The following CLOCK variants were observed in gnomAD, a reference collection of about 807,000 sequenced individuals.
CLOCK encodes the protein circadian locomoter output cycles protein kaput.
In CLOCK, 43 loss-of-function variants were observed where a neutral mutation model predicts 118.4. The ratio of observed to expected loss-of-function variants is 0.36; its 90% CI spans 0.28 to 0.47. CLOCK has a LOEUF of 0.47. Ranked by LOEUF, CLOCK falls within the 20% of genes least tolerant of loss-of-function variation. The pLI is 1.00. For missense variants in CLOCK, 846 were observed against 999.9 expected (o/e 0.85, Z 2.08); for synonymous variants, 326 against 339.2 (o/e 0.96, Z 0.43).
At chr4:55,455,763 TAA>T in intron 13 of CLOCK, 132 bp downstream of exon 13, 1 of 712,944 alleles carries the variant, frequency 1.4e-6, no homozygotes, top group Non-Finnish European at 2.5e-6. Flanking sequence ...GTTATATACA[TAA>T]AGCAAAATCT....
Position 55,458,496 on chromosome 4 carries a change from A to AGGTATTT in CLOCK, c.792+395_792+396insAAATACC, listed in dbSNP as rs2109798692. ...AAATAAAAATAAAATACCTAATTTT[A>AGGTATTT]CATTTGAAAAGGTAAGTTATATGTG... is the stretch of plus-strand genomic sequence containing the variant. On this transcript the variant is annotated intron_variant, in intron 11 of 22. Coordinates refer to ENST00000513440, the MANE Select transcript of CLOCK (RefSeq NM_004898.4). Among the ~76,000 whole-genome samples the AGGTATTT allele has an allele frequency of 2.0e-5, 3 of 152,328 alleles. No homozygotes were observed. In the South Asian group the frequency reaches 6.2e-4, roughly 32 times the overall value.
chr4:55,526,799 T>C (rs1433825248), intron 1 of CLOCK, among the ~76,000 whole-genome samples: 1 of 151,526 alleles, frequency 6.6e-6, no homozygotes, highest in African/African-American at 2.4e-5. Flanking sequence ...ATACAAAAAT[T>C]AGCCGGGCAA....
chr4:55,477,055 A>G (rs1278971559), intron 6 of CLOCK, among the ~76,000 whole-genome samples: 5 of 152,128 alleles, frequency 3.3e-5, no homozygotes, highest in African/African-American at 1.2e-4. Context: ...TGTTTTTCAA[A>G]TTCACATCAA....
At chr4:55,474,648 T>C (rs1044838746) in intron 7 of CLOCK, among the ~76,000 whole-genome samples, 2 of 152,232 alleles carry the variant, frequency 1.3e-5, no homozygotes, top group South Asian at 4.2e-4. Context: ...GCTGGTGACT[T>C]TTAAGTTGAA....
chr4:55,450,336 C>G, intron 15 of CLOCK, 104 bp from the exon 16 acceptor site: 2 of 1,383,200 alleles, frequency 1.4e-6, no homozygotes, highest in Non-Finnish European at 2.0e-6. Flanking sequence ...TTGTCTATAA[C>G]AAGGCAAAAG....
chr4:55,479,715 T>G lies in CLOCK; in HGVS notation c.48-16A>C, dbSNP rs1560446554. The G allele has an allele frequency of 6.2e-7, 1 of 1,608,902 alleles. No homozygotes were observed. The highest frequency in any genetic ancestry group is 2.2e-5 in the East Asian group (1 of 44,648). Reference sequence around the variant, plus strand: ...ACTGTCATCTCTAAAAGAAAGCGGATAGAGAAAGTAAGAGCAGACTCACTA... The same window carrying G: ...ACTGTCATCTCTAAAAGAAAGCGGAGAGAGAAAGTAAGAGCAGACTCACTA... On this transcript the variant is annotated splice_polypyrimidine_tract_variant and intron_variant, in intron 4 of 22. Transcript: ENST00000513440.
At chr4:55,499,881 C>T (rs1053760574) in intron 2 of CLOCK, among the ~76,000 whole-genome samples, 7 of 152,140 alleles carry the variant, frequency 4.6e-5, no homozygotes, top group Non-Finnish European at 8.8e-5. Context: ...TAGGGAATCT[C>T]CCCCCAAACT....
At chr4:55,439,022 A>G (rs1319579671) in intron 21 of CLOCK, among the ~76,000 whole-genome samples, 1 of 152,234 alleles carries the variant, frequency 6.6e-6, no homozygotes, top group Admixed American at 6.5e-5. Flanking sequence ...ACTGTATCAA[A>G]TTAAAAATCT....
At chr4:55,532,471 G>T (rs1422290585) in intron 1 of CLOCK, among the ~76,000 whole-genome samples, 1 of 151,894 alleles carries the variant, frequency 6.6e-6, no homozygotes, top group East Asian at 1.9e-4. Context: ...AAAGTTTCAG[G>T]ATCCGAAATC....
At chr4:55,541,826 T>G (rs989620458) in intron 1 of CLOCK, among the ~76,000 whole-genome samples, 1 of 142,284 alleles carries the variant, frequency 7.0e-6, no homozygotes, top group Non-Finnish European at 1.5e-5. Flanking sequence ...GTCTCACAGA[T>G]GCCTGCTAAA....
Position 55,453,183 on chromosome 4 carries a change from C to A in CLOCK, c.1131-54G>T, listed in dbSNP as rs11240. On this transcript the variant is annotated intron_variant, in intron 14 of 22. Coordinates refer to ENST00000513440, the MANE Select transcript of CLOCK (RefSeq NM_004898.4). ...AGTGTCTGGTCATTCGTTTAAAATA[C>A]TGCACAGCTGTAACTATTCAGTGTT... The A allele has an allele frequency of 5.2e-6, 7 of 1,357,384 alleles. No individual in the cohort carries two copies. In the East Asian group the frequency reaches 1.6e-4, roughly 31 times the overall value. The allele number at this position is 1,357,384 out of a possible 1,614,324, so 84.1% of individuals were successfully genotyped here. A position where few individuals can be genotyped will look rare whatever the true frequency, so the allele number is the denominator to read the frequency against.
In CLOCK at chr4:55,429,830, C is replaced by T. The variant is rs1217824451; in HGVS notation, c.*5585G>A. The T allele has an allele frequency of 1.3e-5, 2 of 152,194 alleles. No individual in the cohort carries two copies. Among genetic ancestry groups the T allele is most frequent in the African/African-American group, 4.8e-5 (2 of 41,452 alleles). 9.4% of individuals were successfully genotyped at this position (152,194 alleles called of 1,614,324 possible). ...TTTGAAAGGAGTTATTTCTAAAATT[C>T]TTTCTTAGATGACTTGAGGAGGGAA... On this transcript the variant is annotated 3_prime_UTR_variant, in exon 23 of 23. Coordinates refer to ENST00000513440, the MANE Select transcript of CLOCK (RefSeq NM_004898.4).
chr4:55,489,277 T>C (rs1165936769), intron 3 of CLOCK, 97 bp downstream of exon 3: 5 of 152,224 alleles, frequency 3.3e-5, no homozygotes, highest in African/African-American at 7.2e-5. Context: ...TAAATTAAAC[T>C]TTCCTTAAAT....
chr4:55,435,629 C>T (rs754387541), intron 22 of CLOCK, 35 bp from the exon 23 acceptor site: 2 of 1,607,674 alleles, frequency 1.2e-6, no homozygotes, highest in South Asian at 2.2e-5. Flanking sequence ...CATTGCTTTA[C>T]TCCCTTTATG....
At chr4:55,495,005 T>C (rs1727961802) in intron 2 of CLOCK, among the ~76,000 whole-genome samples, 3 of 152,068 alleles carry the variant, frequency 2.0e-5, no homozygotes, top group African/African-American at 7.2e-5. Flanking sequence ...CAGAATCCGG[T>C]TTCTCTCGAT....
intron 22 of CLOCK, among the ~76,000 whole-genome samples, chr4:55,436,712 T>A (rs1722902470): frequency 6.6e-6 from 1 of 152,138 alleles, no homozygotes; most frequent in Non-Finnish European, 1.5e-5. Flanking sequence ...TAGGAAAAGC[T>A]GTGTAAGGCA....
chr4:55,456,714 T>C (rs1377114069), intron 11 of CLOCK, among the ~76,000 whole-genome samples: 1 of 152,226 alleles, frequency 6.6e-6, no homozygotes, highest in Non-Finnish European at 1.5e-5. Flanking sequence ...GGTCTCACTC[T>C]GTCACTCAGC....
At position 55,434,510 on chromosome 4, in the gene CLOCK, T is replaced by C. The variant is rs1722732458; in HGVS notation, c.*905A>G. 1 of 152,586 alleles carries C rather than the reference T, an allele frequency of 6.6e-6. No individual in the cohort carries two copies. Among genetic ancestry groups the C allele is most frequent in the Admixed American group, 6.6e-5 (1 of 15,266 alleles). 9.5% of individuals were successfully genotyped at this position (152,586 alleles called of 1,614,324 possible). A position where few individuals can be genotyped will look rare whatever the true frequency, so the allele number is the denominator to read the frequency against. On this transcript the variant is annotated 3_prime_UTR_variant, in exon 23 of 23. Transcript: ENST00000513440. ...CTAAAATAAAGCAGTGCAAATCCTA[T>C]TTTCAAACATAATTGAAAAATAATG...
intron 7 of CLOCK, among the ~76,000 whole-genome samples, chr4:55,471,596 A>G (rs1726147752): frequency 6.6e-6 from 1 of 152,228 alleles, no homozygotes; most frequent in South Asian, 2.1e-4. Context: ...TTCAGAAGAG[A>G]AGTCAGAGCA....
Sources: gnomAD v4.1 joint callset for allele counts (sites outside exome capture counted in the v4.1 genomes callset) on GRCh38, gnomAD v4.1.1 for gene constraint, MANE v1.5 for transcripts, NCBI Gene and HGNC (gene_info 2026-07-23, HGNC 2026-07-21) for gene names.